The following CYP2C19 variants were observed in gnomAD, a reference collection of about 807,000 sequenced individuals.
CYP2C19 encodes cytochrome P450 family 2 subfamily C member 19, also known as cytochrome P450 2C19.
CYP2C19 carries 59 observed loss-of-function variants against 40.9 expected under a neutral mutation model. That is an observed-to-expected ratio of 1.44 (90% CI 1.17 to 1.79). The LOEUF is 1.79. Ranked by LOEUF, CYP2C19 falls within the 40% of genes most tolerant of loss-of-function variation. The probability of loss-of-function intolerance (pLI) is 0.00; values close to 1 mark genes in which losing one functional copy is unlikely to be tolerated. For synonymous variants in CYP2C19, 253 were observed against 208.7 expected, an observed-to-expected ratio of 1.21 and a Z score of -1.83; for missense variants, 754 against 596.9, an observed-to-expected ratio of 1.26 and a Z score of -2.74.
rs185358766 is a variant in CYP2C19, at chr10:94,782,617, T to C, written c.819+620T>C. 3.1e-3 allele frequency among the ~76,000 whole-genome samples: 474 copies of C among 152,198 alleles called. 3 individuals are homozygous for C. The highest frequency in any genetic ancestry group is 0.011 in the African/African-American group (451 of 41,552). On this transcript the variant is annotated intron_variant, in intron 5 of 8. Transcript: ENST00000371321. ...CAGCAATCCAATTACTGGATATATATCCAAAGGATTATAAATTATTCTATT... is the reference window on the plus strand; with the variant it reads ...CAGCAATCCAATTACTGGATATATACCCAAAGGATTATAAATTATTCTATT...
At chr10:94,783,610 G>GT (rs900567772) in intron 5 of CYP2C19, among the ~76,000 whole-genome samples, 4 of 151,680 alleles carry the variant, frequency 2.6e-5, no homozygotes, top group Admixed American at 6.6e-5. Context: ...TGTGTGAAGG[G>GT]TTTTTTTTGG....
intron 5 of CYP2C19, among the ~76,000 whole-genome samples, chr10:94,791,991 GGA>G (rs1364081333): frequency 3.9e-5 from 6 of 152,004 alleles, no homozygotes; most frequent in Non-Finnish European, 8.8e-5. Flanking sequence ...TTATTGTGTG[GGA>G]GTCTAAGTCT....
At chr10:94,774,989 T>G (rs1848386419) in intron 1 of CYP2C19, 69 bp from the exon 2 acceptor site, 2 of 1,513,090 alleles carry the variant, frequency 1.3e-6, no homozygotes, top group Non-Finnish European at 1.8e-6. Context: ...AAAATATGAA[T>G]CTAAGTCAGG....
At position 94,774,826 on chromosome 10, in the gene CYP2C19, GGTTA is replaced by G. The variant is rs1848383847; in HGVS notation, c.169-231_169-228del. ...GACCTGCTGAATATGTTGGTGTGAG[GGTTA>G]ATTGTAATCTGTGTAGCAATTGTCT... On this transcript the variant is annotated intron_variant, in intron 1 of 8. Coordinates refer to ENST00000371321, the MANE Select transcript of CYP2C19 (RefSeq NM_000769.4). 9 of 542,734 alleles carry G rather than the reference GGTTA, an allele frequency of 1.7e-5. No individual in the cohort carries two copies. In the African/African-American group the frequency reaches 1.7e-4, roughly 10 times the overall value. The allele number at this position is 542,734 out of a possible 1,614,324, so 33.6% of individuals were successfully genotyped here.
chr10:94,797,113 A>T (rs1448766824), intron 5 of CYP2C19, among the ~76,000 whole-genome samples: 1 of 152,068 alleles, frequency 6.6e-6, no homozygotes, highest in Non-Finnish European at 1.5e-5. Flanking sequence ...ATTCAGTATG[A>T]TATTGGCTGT....
intron 7 of CYP2C19, among the ~76,000 whole-genome samples, chr10:94,848,160 T>C (rs1367394123): frequency 6.6e-6 from 1 of 152,240 alleles, no homozygotes; most frequent in African/African-American, 2.4e-5. Context: ...CCCATGCCTA[T>C]GTCCTGAGTG....
chr10:94,840,136 A>G (rs1849470035), intron 6 of CYP2C19, among the ~76,000 whole-genome samples: 1 of 152,052 alleles, frequency 6.6e-6, no homozygotes, highest in South Asian at 2.1e-4. Flanking sequence ...TGGGTTAAGG[A>G]TTTAATACGC....
At position 94,853,327 on chromosome 10, in the gene CYP2C19, C is replaced by A; in HGVS notation, c.*413C>A. ...TGACAAATTAAAGAAAATAGAGTTC[C>A]AGGAGGCCATGCTGGTTCTCAAAAC... is the stretch of plus-strand genomic sequence containing the variant. On this transcript the variant is annotated 3_prime_UTR_variant, in exon 9 of 9. Transcript: ENST00000371321. 1 of 396,844 alleles carries A rather than the reference C, an allele frequency of 2.5e-6. No homozygotes were observed. The highest frequency in any genetic ancestry group is 4.7e-6 in the Non-Finnish European group (1 of 214,872). The allele number at this position is 396,844 out of a possible 1,614,324, so 24.6% of individuals were successfully genotyped here.
chr10:94,790,927 G>A (rs1250805180), intron 5 of CYP2C19, among the ~76,000 whole-genome samples: 3 of 152,138 alleles, frequency 2.0e-5, no homozygotes, highest in Non-Finnish European at 2.9e-5. Flanking sequence ...GATTGGAATA[G>A]TTTCAGAAGG....
chr10:94,847,613 A>C (rs1044565881), intron 7 of CYP2C19, among the ~76,000 whole-genome samples: 2 of 152,200 alleles, frequency 1.3e-5, no homozygotes, highest in African/African-American at 4.8e-5. Context: ...TGGCTGGGTC[A>C]AGCGGTATTT....
chr10:94,809,129 A>G (rs572448061), intron 5 of CYP2C19, among the ~76,000 whole-genome samples: 1 of 152,300 alleles, frequency 6.6e-6, no homozygotes, highest in African/African-American at 2.4e-5. Flanking sequence ...AAGCCACTTT[A>G]ACTGGGGTGA....
At chr10:94,787,722 T>C (rs1441552712) in intron 5 of CYP2C19, among the ~76,000 whole-genome samples, 3 of 152,170 alleles carry the variant, frequency 2.0e-5, no homozygotes, top group East Asian at 3.8e-4. Context: ...GCTAGCCAGT[T>C]ATCCTAGTTC....
chr10:94,774,551 GA>G (rs1173897466), intron 1 of CYP2C19: 3 of 166,630 alleles, frequency 1.8e-5, no homozygotes, highest in Non-Finnish European at 2.6e-5. Context: ...GGATTCCATA[GA>G]GAGGTGCTTT....
intron 6 of CYP2C19, among the ~76,000 whole-genome samples, chr10:94,835,428 G>T (rs1342502394): frequency 1.3e-5 from 2 of 152,186 alleles, no homozygotes; most frequent in African/African-American, 4.8e-5. Flanking sequence ...TCTTCATGAG[G>T]TTACCCATTC....
At chr10:94,818,036 A>T (rs953130071) in intron 5 of CYP2C19, among the ~76,000 whole-genome samples, 3 of 131,368 alleles carry the variant, frequency 2.3e-5, no homozygotes, top group African/African-American at 8.4e-5. Flanking sequence ...AAAAAAAAAA[A>T]TCTTTAATCC....
chr10:94,763,240 C>T (rs1280142628), intron 1 of CYP2C19, among the ~76,000 whole-genome samples: 1 of 152,012 alleles, frequency 6.6e-6, no homozygotes, highest in Non-Finnish European at 1.5e-5. Flanking sequence ...CTATATTAGC[C>T]ATGTGTTTTA....
chr10:94,810,623 A>G (rs1469881715), intron 5 of CYP2C19, among the ~76,000 whole-genome samples: 1 of 152,036 alleles, frequency 6.6e-6, no homozygotes, highest in African/African-American at 2.4e-5. Flanking sequence ...GGGAGGGTGT[A>G]TGTGTCTAGA....
At chr10:94,776,850 G>T (rs1161559115) in intron 3 of CYP2C19, among the ~76,000 whole-genome samples, 3 of 152,096 alleles carry the variant, frequency 2.0e-5, no homozygotes, top group Admixed American at 2.0e-4. Context: ...AGGATGAGAG[G>T]AAGTCAAATT....
intron 5 of CYP2C19, among the ~76,000 whole-genome samples, chr10:94,818,774 C>T (rs1849058540): frequency 6.7e-6 from 1 of 149,940 alleles, no homozygotes; most frequent in African/African-American, 2.5e-5. Flanking sequence ...TGCTTATCAG[C>T]TTAAGGAGAT....
Sources: gnomAD v4.1 joint callset for allele counts (sites outside exome capture counted in the v4.1 genomes callset) on GRCh38, gnomAD v4.1.1 for gene constraint, MANE v1.5 for transcripts, NCBI Gene and HGNC (gene_info 2026-07-23, HGNC 2026-07-21) for gene names.